Variants in TRAK1 observed in about 807,000 individuals in gnomAD.
TRAK1 encodes trafficking kinesin-binding protein 1.
A neutral mutation model predicts 92.1 loss-of-function variants in TRAK1; 33 were observed. The ratio of observed to expected loss-of-function variants is 0.36; its 90% CI spans 0.27 to 0.48. TRAK1 has a LOEUF of 0.48. TRAK1 is among the 20% of genes least tolerant of loss of function. The probability of loss-of-function intolerance (pLI) is 0.99; values close to 1 mark genes in which losing one functional copy is unlikely to be tolerated. For missense variants in TRAK1, 1,123 were observed against 1,257.9 expected, an observed-to-expected ratio of 0.89 and a Z score of 1.62; for synonymous variants, 521 against 517.3, an observed-to-expected ratio of 1.01 and a Z score of -0.10.
At chr3:42,187,763 G>A (rs553928380) in intron 4 of TRAK1, among the ~76,000 whole-genome samples, 28 of 152,098 alleles carry the variant, frequency 1.8e-4, no homozygotes, top group Non-Finnish European at 3.1e-4. Context: ...CACCGTGCCC[G>A]GCCCCCAAGC....
rs551198085 is a variant in TRAK1 at position 42,184,993 on chromosome 3, C to T, written c.480+192C>T. 1.8e-4 allele frequency: 103 copies of T among 557,846 alleles called. 1 individual carries two copies. In the Middle Eastern group the frequency reaches 1.9e-3, roughly 10 times the overall value. 34.6% of individuals were successfully genotyped at this position (557,846 alleles called of 1,614,324 possible). On this transcript the variant is annotated intron_variant, in intron 4 of 15. Transcript: ENST00000327628. The stretch of plus-strand genomic sequence containing the variant: ...ACTAAAAGCCACCTTCCTGCAGCTC[C>T]TGCTGCTGCTTGTGTCTCTTTTCTT...
At chr3:42,165,954 C>T (rs1478654149) in intron 2 of TRAK1, among the ~76,000 whole-genome samples, 1 of 152,034 alleles carries the variant, frequency 6.6e-6, no homozygotes, top group Non-Finnish European at 1.5e-5. Flanking sequence ...TTTTGGGGTC[C>T]TTTTGCCACT....
At chr3:42,127,723 C>T (rs554632827) in intron 2 of TRAK1, among the ~76,000 whole-genome samples, 48 of 152,280 alleles carry the variant, frequency 3.2e-4, no homozygotes, top group Non-Finnish European at 5.9e-4. Flanking sequence ...CCATGGGCAA[C>T]ACCACACAAT....
chr3:42,090,908 A>C (rs560294421), upstream of TRAK1, among the ~76,000 whole-genome samples: 1 of 152,196 alleles, frequency 6.6e-6, no homozygotes, highest in Non-Finnish European at 1.5e-5. Flanking sequence ...CAGGTGATGG[A>C]GAACATGCTC....
intron 1 of TRAK1, among the ~76,000 whole-genome samples, chr3:42,020,524 A>G (rs1244667233): frequency 1.3e-5 from 2 of 152,204 alleles, no homozygotes; most frequent in East Asian, 1.9e-4. Context: ...TTATGGTTAT[A>G]TCATGATTTG....
At chr3:42,149,990 C>T (rs1194043544) in intron 2 of TRAK1, among the ~76,000 whole-genome samples, 1 of 151,994 alleles carries the variant, frequency 6.6e-6, no homozygotes, top group African/African-American at 2.4e-5. Flanking sequence ...AAACTGGGGG[C>T]TTGGAATAGT....
At chr3:42,040,139 T>C (rs559080470) in intron 1 of TRAK1, among the ~76,000 whole-genome samples, 1 of 152,194 alleles carries the variant, frequency 6.6e-6, no homozygotes, top group Non-Finnish European at 1.5e-5. Flanking sequence ...CCATGGATTG[T>C]CTTTCACTTT....
chr3:42,157,218 G>A (rs1221850134), intron 2 of TRAK1, among the ~76,000 whole-genome samples: 1 of 151,676 alleles, frequency 6.6e-6, no homozygotes, highest in Non-Finnish European at 1.5e-5. Flanking sequence ...CAGCACTTTG[G>A]GAGGCTGAAG....
At chr3:42,113,869 A>G (rs1331187694) in intron 1 of TRAK1, among the ~76,000 whole-genome samples, 1 of 152,204 alleles carries the variant, frequency 6.6e-6, no homozygotes, top group East Asian at 1.9e-4. Context: ...AAACATTTTA[A>G]CGGGTATAGT....
rs142554684 is a variant in TRAK1, at chr3:42,154,260, C to T, written c.287-22554C>T. On this transcript the variant is annotated intron_variant, in intron 2 of 15. Transcript: ENST00000327628. Reference sequence around the variant, plus strand: ...CGATCTCAGCTCACTGCAATGTCTGCCTCCCAAGTTCAAGCGATTCTCCTG... The same window carrying T: ...CGATCTCAGCTCACTGCAATGTCTGTCTCCCAAGTTCAAGCGATTCTCCTG... Among the ~76,000 whole-genome samples the T allele has an allele frequency of 6.1e-3, 926 of 152,172 alleles. 6 individuals are homozygous for T. The highest frequency in any genetic ancestry group is 0.021 in the African/African-American group (874 of 41,506).
chr3:42,169,456 A>G (rs1702274607), intron 2 of TRAK1, among the ~76,000 whole-genome samples: 1 of 152,116 alleles, frequency 6.6e-6, no homozygotes, highest in Non-Finnish European at 1.5e-5. Context: ...ATTTATCTTG[A>G]GTAGATACTT....
intron 2 of TRAK1, among the ~76,000 whole-genome samples, chr3:42,147,815 G>A (rs558742314): frequency 1.9e-4 from 29 of 152,300 alleles, no homozygotes; most frequent in African/African-American, 6.7e-4. Flanking sequence ...CATGAGGAGA[G>A]GGTACCCCAG....
intron 1 of TRAK1, among the ~76,000 whole-genome samples, chr3:42,016,663 C>T (rs76630152): frequency 1.3e-5 from 2 of 152,140 alleles, no homozygotes; most frequent in African/African-American, 2.4e-5. Flanking sequence ...CGTCAGCTGT[C>T]GGAGTTTTTA....
At chr3:42,058,205 T>C (rs6782307) in intron 1 of TRAK1, among the ~76,000 whole-genome samples, 51,655 of 152,162 alleles carry the variant, frequency 0.34, 12,650 homozygotes, top group African/African-American at 0.7. Flanking sequence ...CTCATGTACC[T>C]TGGCAGTTGT....
At chr3:42,074,893 C>T (rs1248270879) in intron 1 of TRAK1, among the ~76,000 whole-genome samples, 1 of 152,142 alleles carries the variant, frequency 6.6e-6, no homozygotes, top group Non-Finnish European at 1.5e-5. Context: ...GTCTGTTGTT[C>T]CCTTCTTTGC....
chr3:42,113,239 T>C (rs772134617), intron 1 of TRAK1, among the ~76,000 whole-genome samples: 3 of 152,184 alleles, frequency 2.0e-5, no homozygotes, highest in Non-Finnish European at 4.4e-5. Flanking sequence ...TGAGACCCTA[T>C]CTCTTCAAAA....
chr3:42,030,352 A>C (rs1702076846), intron 1 of TRAK1, among the ~76,000 whole-genome samples: 1 of 123,212 alleles, frequency 8.1e-6, no homozygotes, highest in South Asian at 2.7e-4. Context: ...ACAAAGCGAG[A>C]CCCTGTCTCT....
upstream of TRAK1, among the ~76,000 whole-genome samples, chr3:42,087,887 C>G (rs1306390347): frequency 6.6e-6 from 1 of 152,230 alleles, no homozygotes; most frequent in Non-Finnish European, 1.5e-5. Context: ...TTACAGATAC[C>G]TGTGTCAGTC....
At chr3:42,048,593 T>C (rs1702855658) in intron 1 of TRAK1, among the ~76,000 whole-genome samples, 1 of 150,126 alleles carries the variant, frequency 6.7e-6, no homozygotes. Flanking sequence ...AGACAGTGTC[T>C]TTGTCTGTCA....
Sources: allele counts gnomAD v4.1 joint callset (sites outside exome capture counted in the v4.1 genomes callset), GRCh38; gene constraint gnomAD v4.1.1; transcripts MANE v1.5; gene names NCBI Gene and HGNC (gene_info 2026-07-23, HGNC 2026-07-21).